GRM5: variants seen among roughly 807,000 people sequenced by gnomAD.
GRM5 encodes metabotropic glutamate receptor 5.
GRM5 carries 19 observed loss-of-function variants against 83.1 expected under a neutral mutation model. The observed-to-expected ratio is 0.23, with a 90% CI of 0.16 to 0.34. The LOEUF is 0.34. Ranked by LOEUF, GRM5 falls within the 10% of genes least tolerant of loss-of-function variation. The pLI is 1.00. For missense variants in GRM5, 1,160 were observed against 1,588.3 expected, an observed-to-expected ratio of 0.73 and a Z score of 4.58; for synonymous variants, 675 against 633.6, an observed-to-expected ratio of 1.07 and a Z score of -0.98.
At chr11:88,827,021 G>A (rs982491353) in intron 3 of GRM5, among the ~76,000 whole-genome samples, 1 of 152,144 alleles carries the variant, frequency 6.6e-6, no homozygotes, top group Non-Finnish European at 1.5e-5. Flanking sequence ...GAAGCAAGAG[G>A]TTTATTTGTA....
chr11:88,646,486 G>A (rs1939452357), intron 4 of GRM5, among the ~76,000 whole-genome samples: 1 of 77,474 alleles, frequency 1.3e-5, no homozygotes, highest in Admixed American at 1.2e-4. Flanking sequence ...GTTTTTAAAT[G>A]CTTAGAAGGA....
At chr11:88,719,958 G>A (rs1428426420) in intron 3 of GRM5, among the ~76,000 whole-genome samples, 3 of 151,868 alleles carry the variant, frequency 2.0e-5, no homozygotes, top group East Asian at 1.9e-4. Flanking sequence ...TAGATACTGG[G>A]TATTAGACCT....
At chr11:88,724,376 C>A (rs754667048) in intron 3 of GRM5, among the ~76,000 whole-genome samples, 6 of 149,392 alleles carry the variant, frequency 4.0e-5, no homozygotes, top group Non-Finnish European at 7.4e-5. Flanking sequence ...CCTAAAGTTA[C>A]TTGCTTCCCA....
chr11:88,968,930 T>C (rs1195549815), intron 2 of GRM5, among the ~76,000 whole-genome samples: 2 of 152,074 alleles, frequency 1.3e-5, no homozygotes, highest in African/African-American at 4.8e-5. Flanking sequence ...TTTTTAGATG[T>C]AGTAACAATA....
Position 88,875,827 on chromosome 11 carries a change from T to A in GRM5, c.662-25672A>T, listed in dbSNP as rs117071028. ...AGGAAGCTTTTCTTCTTAAGAGTAGTTCTTAACTGTGGGCTTAAAATATTC... is the reference window on the plus strand; with the variant it reads ...AGGAAGCTTTTCTTCTTAAGAGTAGATCTTAACTGTGGGCTTAAAATATTC... On this transcript the variant is annotated intron_variant, in intron 2 of 9. Transcript: ENST00000305447. Among the ~76,000 whole-genome samples, 143 of 152,228 alleles carry A rather than the reference T, an allele frequency of 9.4e-4. 2 individuals carry two copies. The highest frequency in any genetic ancestry group is 5.6e-3 in the East Asian group (29 of 5,154).
chr11:89,030,619 T>C (rs1941239891), intron 2 of GRM5, among the ~76,000 whole-genome samples: 1 of 152,082 alleles, frequency 6.6e-6, no homozygotes, highest in Non-Finnish European at 1.5e-5. Context: ...TAGTATTAGC[T>C]ATGACAATAA....
In GRM5 at chr11:88,509,845, T is replaced by C. The variant is rs140818502; in HGVS notation, c.2727-341A>G. ...TGCAGCAGCACACAGATGCAAGGGCTTGCAGTGTCCCGGCTGTGTGCACAA... is the reference window on the plus strand; with the variant it reads ...TGCAGCAGCACACAGATGCAAGGGCCTGCAGTGTCCCGGCTGTGTGCACAA... On this transcript the variant is annotated intron_variant, in intron 9 of 9. Coordinates refer to ENST00000305447, the MANE Select transcript of GRM5 (RefSeq NM_001143831.3). Among the ~76,000 whole-genome samples, 899 of 152,280 alleles carry C rather than the reference T, an allele frequency of 5.9e-3. 11 individuals carry two copies. The highest frequency in any genetic ancestry group is 0.02 in the African/African-American group (846 of 41,544).
intron 2 of GRM5, among the ~76,000 whole-genome samples, chr11:89,025,780 C>A (rs1381011322): frequency 2.6e-5 from 4 of 152,154 alleles, no homozygotes; most frequent in Non-Finnish European, 4.4e-5. Flanking sequence ...TTGGTGATTT[C>A]TCAAAGTACT....
chr11:88,897,332 T>A (rs1175887201), intron 2 of GRM5, among the ~76,000 whole-genome samples: 3 of 151,944 alleles, frequency 2.0e-5, no homozygotes, highest in Non-Finnish European at 4.4e-5. Flanking sequence ...AAGTCAGAAT[T>A]TATAAAGGAC....
At chr11:88,768,007 T>A (rs1452293777) in intron 3 of GRM5, among the ~76,000 whole-genome samples, 1 of 151,876 alleles carries the variant, frequency 6.6e-6, no homozygotes, top group Non-Finnish European at 1.5e-5. Flanking sequence ...TATAAAACAG[T>A]ATAGCTGCTG....
At chr11:88,962,380 C>G (rs925052037) in intron 2 of GRM5, among the ~76,000 whole-genome samples, 5 of 152,176 alleles carry the variant, frequency 3.3e-5, no homozygotes, top group African/African-American at 1.2e-4. Context: ...TTCCACCACT[C>G]TCTTCATGCA....
At chr11:89,035,486 A>G (rs1289589506) in intron 2 of GRM5, among the ~76,000 whole-genome samples, 4 of 151,598 alleles carry the variant, frequency 2.6e-5, no homozygotes, top group African/African-American at 9.7e-5. Flanking sequence ...AGGGTATATA[A>G]CCAAGCAATA....
In GRM5 at chr11:88,637,992, C is replaced by T. The variant is rs960480361; in HGVS notation, c.1147+15176G>A. ...ACGCAGCCATAAAAAATGATTAGTT[C>T]ATGTCCTTTTTAGGGACATGGATGA... On this transcript the variant is annotated intron_variant, in intron 4 of 9. Transcript: ENST00000305447. Among the ~76,000 whole-genome samples, 3 of 152,010 alleles carry T rather than the reference C, an allele frequency of 2.0e-5. No individual in the cohort carries two copies. The East Asian group carries it at 5.8e-4, about 29-fold the overall frequency.
At chr11:89,006,389 C>A (rs2135079755) in intron 2 of GRM5, among the ~76,000 whole-genome samples, 1 of 152,300 alleles carries the variant, frequency 6.6e-6, no homozygotes, top group East Asian at 1.9e-4. Context: ...GTCTTCCTTT[C>A]TTTTGGACTC....
intron 2 of GRM5, among the ~76,000 whole-genome samples, chr11:88,982,310 T>A (rs751358246): frequency 8.5e-5 from 13 of 152,178 alleles, no homozygotes; most frequent in Admixed American, 2.6e-4. Context: ...GCCCTTACAT[T>A]TATAATACAA....
At chr11:88,716,791 G>A (rs1941409814) in intron 3 of GRM5, among the ~76,000 whole-genome samples, 1 of 151,820 alleles carries the variant, frequency 6.6e-6, no homozygotes, top group African/African-American at 2.4e-5. Flanking sequence ...CTAAACTTCA[G>A]GCTGAGTTGA....
At chr11:88,898,712 T>C (rs1590948646) in intron 2 of GRM5, among the ~76,000 whole-genome samples, 1 of 152,036 alleles carries the variant, frequency 6.6e-6, no homozygotes, top group African/African-American at 2.4e-5. Flanking sequence ...CAGGTATTTA[T>C]GTCTCTTTGG....
chr11:89,049,892 T>C (rs2079583151), intron 1 of GRM5, among the ~76,000 whole-genome samples: 1 of 152,202 alleles, frequency 6.6e-6, no homozygotes, highest in Non-Finnish European at 1.5e-5. Flanking sequence ...AAGCTTAAAA[T>C]AATTATTCTC....
chr11:88,883,339 G>T (rs1443376953), intron 2 of GRM5, among the ~76,000 whole-genome samples: 1 of 152,184 alleles, frequency 6.6e-6, no homozygotes, highest in Non-Finnish European at 1.5e-5. Context: ...CCATTCAGGT[G>T]ATCTCAGATG....
Sources: allele counts gnomAD v4.1 joint callset (sites outside exome capture counted in the v4.1 genomes callset), GRCh38; gene constraint gnomAD v4.1.1; transcripts MANE v1.5; gene names NCBI Gene and HGNC (gene_info 2026-07-23, HGNC 2026-07-21).